LIPI: variants seen among roughly 807,000 people sequenced by gnomAD.
The protein encoded by LIPI is lipase member I.
LIPI carries 59 observed loss-of-function variants against 50.6 expected under a neutral mutation model. That is an observed-to-expected ratio of 1.16 (90% CI 0.94 to 1.45). The LOEUF (loss-of-function observed/expected upper bound fraction) is 1.45, where lower values mean the gene tolerates loss of function less well. LIPI is among the 40% of genes most tolerant of loss of function. The pLI, the probability that LIPI is intolerant of heterozygous loss-of-function variation, is 0.00. For synonymous variants in LIPI, 203 were observed against 178.2 expected (o/e 1.14, Z -1.11); for missense variants, 586 against 536.3 (o/e 1.09, Z -0.92).
intron 7 of LIPI, among the ~76,000 whole-genome samples, chr21:14,160,951 G>A (rs1281969828): frequency 6.6e-6 from 1 of 151,164 alleles, no homozygotes; most frequent in Non-Finnish European, 1.5e-5. Flanking sequence ...GAATGCGTAA[G>A]AATTTTTAAA....
At chr21:14,184,354 A>G (rs899734187) in intron 3 of LIPI, among the ~76,000 whole-genome samples, 4 of 152,162 alleles carry the variant, frequency 2.6e-5, no homozygotes, top group Non-Finnish European at 5.9e-5. Flanking sequence ...GAGGGATAGC[A>G]TTAGGCGATA....
chr21:14,166,165 C>T (rs1163811697), intron 5 of LIPI, among the ~76,000 whole-genome samples, 197 bp downstream of exon 5: 2 of 152,094 alleles, frequency 1.3e-5, no homozygotes, highest in Non-Finnish European at 2.9e-5. Flanking sequence ...TCATCCATGA[C>T]CTAATGGATG....
At chr21:14,209,563 A>G (rs2020312310) in intron 1 of LIPI, among the ~76,000 whole-genome samples, 1 of 152,172 alleles carries the variant, frequency 6.6e-6, no homozygotes, top group Non-Finnish European at 1.5e-5. Context: ...CTTATTTTCT[A>G]TTTACTACTG....
intron 9 of LIPI, among the ~76,000 whole-genome samples, chr21:14,116,297 G>C (rs747102461): frequency 1.3e-5 from 2 of 152,120 alleles, no homozygotes; most frequent in Non-Finnish European, 2.9e-5. Context: ...TCCGAGGCGA[G>C]TGTGGGATGA....
At chr21:14,187,185 C>T (rs1166700624) in intron 2 of LIPI, among the ~76,000 whole-genome samples, 4 of 152,232 alleles carry the variant, frequency 2.6e-5, no homozygotes, top group South Asian at 2.1e-4. Flanking sequence ...CCAAGGCCAA[C>T]GTCTGAATAC....
chr21:14,140,395 G>T (rs901120830), intron 9 of LIPI, among the ~76,000 whole-genome samples: 4 of 152,002 alleles, frequency 2.6e-5, no homozygotes, highest in Admixed American at 2.0e-4. Context: ...TTTTGTAAAA[G>T]TTATTTATAT....
chr21:14,142,672 T>C (rs1347205087), intron 9 of LIPI, among the ~76,000 whole-genome samples: 4 of 151,376 alleles, frequency 2.6e-5, no homozygotes, highest in African/African-American at 9.7e-5. Flanking sequence ...TTTGTAGAGA[T>C]AGGATTTTGC....
intron 4 of LIPI, among the ~76,000 whole-genome samples, chr21:14,175,981 G>A (rs780279194): frequency 1.2e-4 from 18 of 151,886 alleles, no homozygotes; most frequent in Middle Eastern, 3.4e-3. Flanking sequence ...GATCCAGACC[G>A]TCCTGGCTAA....
At chr21:14,158,369 T>TA (rs2018344500) in intron 7 of LIPI, among the ~76,000 whole-genome samples, 2 of 151,396 alleles carry the variant, frequency 1.3e-5, no homozygotes, top group Admixed American at 6.6e-5. Context: ...AAGAGTTCTC[T>TA]AAAAAATACA....
intron 7 of LIPI, among the ~76,000 whole-genome samples, chr21:14,157,484 C>A (rs1016163824): frequency 6.6e-6 from 1 of 151,778 alleles, no homozygotes; most frequent in African/African-American, 2.4e-5. Flanking sequence ...TAGAATGACT[C>A]TCTGTGACAT....
intron 4 of LIPI, among the ~76,000 whole-genome samples, chr21:14,174,390 A>T (rs1181355979): frequency 6.6e-6 from 1 of 152,054 alleles, no homozygotes; most frequent in African/African-American, 2.4e-5. Flanking sequence ...TAGGCTAATT[A>T]ATTATTATAA....
intron 7 of LIPI, among the ~76,000 whole-genome samples, chr21:14,157,817 T>C (rs755518524): frequency 1.3e-5 from 2 of 151,804 alleles, no homozygotes; most frequent in Non-Finnish European, 2.9e-5. Flanking sequence ...AATTTAAAAA[T>C]TGCATGGAGT....
chr21:14,184,976 AG>A (rs2019402450), intron 3 of LIPI, among the ~76,000 whole-genome samples: 1 of 152,188 alleles, frequency 6.6e-6, no homozygotes, highest in Non-Finnish European at 1.5e-5. Flanking sequence ...AACTTAACTA[AG>A]GACACTATTT....
At chr21:14,196,423 G>A (rs2019855789) in intron 1 of LIPI, among the ~76,000 whole-genome samples, 1 of 152,126 alleles carries the variant, frequency 6.6e-6, no homozygotes, top group South Asian at 2.1e-4. Flanking sequence ...GTGTGGAAGG[G>A]ATTAATTGCA....
chr21:14,181,505 T>C (rs1050209724), intron 4 of LIPI, among the ~76,000 whole-genome samples: 2 of 152,086 alleles, frequency 1.3e-5, no homozygotes, highest in African/African-American at 4.8e-5. Flanking sequence ...TAGTTATCTA[T>C]TTCAGTGTTT....
intron 7 of LIPI, among the ~76,000 whole-genome samples, chr21:14,160,818 A>G (rs930037551): frequency 2.0e-5 from 3 of 151,436 alleles, no homozygotes; most frequent in Non-Finnish European, 3.0e-5. Flanking sequence ...GCCCAATTGA[A>G]AAATATCCAA....
intron 7 of LIPI, among the ~76,000 whole-genome samples, chr21:14,160,116 T>C (rs535603647): frequency 6.6e-6 from 1 of 151,362 alleles, no homozygotes; most frequent in Non-Finnish European, 1.5e-5. Flanking sequence ...TTTGCAAATA[T>C]AGACAACGTT....
intron 5 of LIPI, among the ~76,000 whole-genome samples, chr21:14,165,854 T>A (rs943841396): frequency 2.6e-5 from 4 of 152,196 alleles, no homozygotes; most frequent in Non-Finnish European, 4.4e-5. Context: ...TGCCCTTTGG[T>A]CACGTGTTAT....
chr21:14,193,937 TC>T (rs1354394302), intron 1 of LIPI, among the ~76,000 whole-genome samples: 1 of 152,074 alleles, frequency 6.6e-6, no homozygotes, highest in African/African-American at 2.4e-5. Flanking sequence ...CTTCTATCAC[TC>T]AACAACAAAA....
Sources: allele counts gnomAD v4.1 joint callset (sites outside exome capture counted in the v4.1 genomes callset), GRCh38; gene constraint gnomAD v4.1.1; transcripts MANE v1.5; gene names NCBI Gene and HGNC (gene_info 2026-07-23, HGNC 2026-07-21).